SRPK2: variants seen among roughly 807,000 people sequenced by gnomAD.
SRPK2 encodes the protein SFRS protein kinase 2.
In SRPK2, 21 loss-of-function variants were observed where a neutral mutation model predicts 90.8. The ratio of observed to expected loss-of-function variants is 0.23; its 90% CI spans 0.16 to 0.33. The LOEUF is 0.33. SRPK2 is among the 10% of genes least tolerant of loss of function. The pLI is 1.00. For synonymous variants in SRPK2, 288 were observed against 311.1 expected (o/e 0.93, Z 0.78); for missense variants, 620 against 869.0 (o/e 0.71, Z 3.60).
chr7:105,176,788 C>A (rs927250704), intron 3 of SRPK2, among the ~76,000 whole-genome samples: 4 of 148,880 alleles, frequency 2.7e-5, no homozygotes, highest in African/African-American at 9.9e-5. Flanking sequence ...TATATATATA[C>A]CACGCCTGGC....
Position 105,126,011 on chromosome 7 carries a change from G to T in SRPK2, c.1915+237C>A. 6.2e-6 allele frequency: 4 copies of T among 649,358 alleles called. No homozygotes were observed. In the South Asian group the frequency reaches 7.7e-5, roughly 12 times the overall value. 40.2% of individuals were successfully genotyped at this position (649,358 alleles called of 1,614,324 possible). On this transcript the variant is annotated intron_variant, in intron 15 of 15. Coordinates refer to ENST00000393651, the MANE Select transcript of SRPK2 (RefSeq NM_182692.3). ...GACCAAAAGTACAGGCCTTCCTCGC[G>T]TTGCTGGATTCAGGATCCAGAGCTG...
chr7:105,139,065 A>G (rs1373916082), intron 11 of SRPK2, among the ~76,000 whole-genome samples: 1 of 152,168 alleles, frequency 6.6e-6, no homozygotes, highest in South Asian at 2.1e-4. Context: ...TGCTCTAATA[A>G]TTCCTTCCTG....
At chr7:105,131,566 A>G (rs1802007120) in intron 13 of SRPK2, among the ~76,000 whole-genome samples, 1 of 152,214 alleles carries the variant, frequency 6.6e-6, no homozygotes, top group Non-Finnish European at 1.5e-5. Context: ...CTATCTGGCC[A>G]TGTGCTGACT....
chr7:105,283,675 G>T (rs192136692), intron 2 of SRPK2, among the ~76,000 whole-genome samples: 2 of 152,104 alleles, frequency 1.3e-5, no homozygotes, highest in Non-Finnish European at 2.9e-5. Flanking sequence ...AAATGTTCTA[G>T]AATTATGTAA....
intron 2 of SRPK2, among the ~76,000 whole-genome samples, chr7:105,247,562 A>ACACACAC (rs370589750): frequency 6.6e-6 from 1 of 150,786 alleles, no homozygotes. Flanking sequence ...ACACACACAC[A>ACACACAC]GAAGTTATAC....
intron 2 of SRPK2, among the ~76,000 whole-genome samples, chr7:105,289,319 C>G (rs564632337): frequency 6.6e-6 from 1 of 151,944 alleles, no homozygotes; most frequent in East Asian, 1.9e-4. Context: ...TCCTTCCAGT[C>G]ACATCATTAT....
At chr7:105,227,647 C>T (rs988960285) in intron 2 of SRPK2, among the ~76,000 whole-genome samples, 13 of 152,136 alleles carry the variant, frequency 8.5e-5, no homozygotes, top group African/African-American at 3.1e-4. Context: ...AACGACTCTG[C>T]TGTTTTGTAA....
intron 2 of SRPK2, among the ~76,000 whole-genome samples, chr7:105,250,253 T>G (rs1802294019): frequency 6.6e-6 from 1 of 152,084 alleles, no homozygotes; most frequent in Non-Finnish European, 1.5e-5. Context: ...GAGAATCACT[T>G]GAACCCAGGA....
intron 2 of SRPK2, among the ~76,000 whole-genome samples, chr7:105,379,996 G>C (rs1319227024): frequency 1.3e-5 from 2 of 152,138 alleles, no homozygotes; most frequent in Non-Finnish European, 2.9e-5. Flanking sequence ...TGAGTGCACT[G>C]CCAGGCATGG....
At chr7:105,122,713 G>T (rs1236315142) in intron 15 of SRPK2, among the ~76,000 whole-genome samples, 1 of 152,028 alleles carries the variant, frequency 6.6e-6, no homozygotes, top group Admixed American at 6.6e-5. Context: ...CCTGACTCAG[G>T]GAAACGTGGA....
chr7:105,342,038 C>T (rs917952945), intron 2 of SRPK2, among the ~76,000 whole-genome samples: 2 of 151,802 alleles, frequency 1.3e-5, no homozygotes, highest in South Asian at 2.1e-4. Flanking sequence ...CCAAGGTGGG[C>T]GGATCAGCTG....
intron 3 of SRPK2, among the ~76,000 whole-genome samples, chr7:105,184,214 A>T (rs1485843689): frequency 6.6e-6 from 1 of 151,828 alleles, no homozygotes; most frequent in Non-Finnish European, 1.5e-5. Context: ...CCTGACCTCA[A>T]ATGATCTGCC....
Position 105,197,247 on chromosome 7 carries a change from G to A in SRPK2, c.229+6381C>T, listed in dbSNP as rs1240331104. Among the ~76,000 whole-genome samples, 9 of 152,126 alleles carry A rather than the reference G, an allele frequency of 5.9e-5. No homozygotes were observed. The East Asian group carries it at 1.7e-3, about 29-fold the overall frequency. On this transcript the variant is annotated intron_variant, in intron 3 of 15. Coordinates refer to ENST00000393651, the MANE Select transcript of SRPK2 (RefSeq NM_182692.3). ...ATGGGTAAAGGCAATTTGTGTATAG[G>A]AAGAAACTCATCTGACATGCTTCTA...
At chr7:105,273,948 G>A (rs1278512477) in intron 2 of SRPK2, among the ~76,000 whole-genome samples, 1 of 152,168 alleles carries the variant, frequency 6.6e-6, no homozygotes, top group Non-Finnish European at 1.5e-5. Flanking sequence ...CTGATCCTCA[G>A]ATCATCTCAT....
intron 11 of SRPK2, among the ~76,000 whole-genome samples, chr7:105,137,106 G>T (rs1802945904): frequency 1.3e-5 from 2 of 152,208 alleles, no homozygotes. Context: ...CTGAACAAAG[G>T]CAGGCATGAA....
At chr7:105,157,524 T>C (rs914260952) in intron 7 of SRPK2, among the ~76,000 whole-genome samples, 1 of 152,168 alleles carries the variant, frequency 6.6e-6, no homozygotes, top group Non-Finnish European at 1.5e-5. Flanking sequence ...TTGAACAACT[T>C]ACTACACTGA....
At chr7:105,341,341 G>C (rs1190962698) in intron 2 of SRPK2, among the ~76,000 whole-genome samples, 4 of 138,630 alleles carry the variant, frequency 2.9e-5, no homozygotes, top group Non-Finnish European at 6.0e-5. Context: ...CTGGGCGAAA[G>C]GGCGAGACTC....
At chr7:105,373,309 T>C (rs939000261) in intron 2 of SRPK2, among the ~76,000 whole-genome samples, 21 of 151,694 alleles carry the variant, frequency 1.4e-4, no homozygotes, top group Admixed American at 1.2e-3. Context: ...TTTTCTCAAA[T>C]CTCATTCTCC....
At chr7:105,229,323 G>C (rs778685169) in intron 2 of SRPK2, among the ~76,000 whole-genome samples, 2 of 152,096 alleles carry the variant, frequency 1.3e-5, no homozygotes, top group African/African-American at 4.8e-5. Flanking sequence ...AATTAGCCGG[G>C]CATAGCGGCG....
Sources: gnomAD v4.1 joint callset for allele counts (sites outside exome capture counted in the v4.1 genomes callset) on GRCh38, gnomAD v4.1.1 for gene constraint, MANE v1.5 for transcripts, NCBI Gene and HGNC (gene_info 2026-07-23, HGNC 2026-07-21) for gene names.